The following ELMO1 variants were observed in gnomAD, a reference collection of about 807,000 sequenced individuals.
ELMO1 encodes the protein engulfment and cell motility 1.
Under a neutral mutation model 98.9 loss-of-function variants are expected in ELMO1, and 26 were observed. That is an observed-to-expected ratio of 0.26 (90% CI 0.19 to 0.36). The LOEUF (loss-of-function observed/expected upper bound fraction) is 0.36. Among genes scored for constraint, ELMO1 ranks in the 10% least tolerant of loss-of-function variants. The pLI, the probability that ELMO1 is intolerant of heterozygous loss-of-function variation, is 1.00. For synonymous variants in ELMO1, 346 were observed against 346.0 expected, an observed-to-expected ratio of 1.00 and a Z score of 0.00; for missense variants, 627 against 935.2, an observed-to-expected ratio of 0.67 and a Z score of 4.30.
chr7:37,246,676 G>A (rs1795021796), intron 6 of ELMO1, among the ~76,000 whole-genome samples: 3 of 152,128 alleles, frequency 2.0e-5, no homozygotes, highest in African/African-American at 4.8e-5. Context: ...ACTAAGCAGC[G>A]CCTACAACAT....
chr7:36,878,093 G>A lies in ELMO1; in HGVS notation c.1739C>T (p.Ser580Leu), dbSNP rs781351975. 6 of 1,613,990 alleles carry A rather than the reference G, an allele frequency of 3.7e-6. No homozygotes were observed. The highest frequency in any genetic ancestry group is 3.3e-5 in the Admixed American group (2 of 60,020). ...RQDKFWYCRLSPNHKVLHYGD... is the reference protein window; with the variant it reads ...RQDKFWYCRLLPNHKVLHYGD... ...GTAATGCAGGACTTTGTGATTTGGCGAAAGCCGACAATACCAAAACTTGTC... is the reference window on the plus strand; with the variant it reads ...GTAATGCAGGACTTTGTGATTTGGCAAAAGCCGACAATACCAAAACTTGTC... Residue 580 changes from serine to leucine, a missense_variant, in exon 19 of 22, where the codon TCG becomes TTG. By Grantham distance (145) the Ser-to-Leu change is moderately radical (BLOSUM62 -2). This residue lies in a region of ELMO1 where 492 missense variants were observed against 715.6 expected (regional missense o/e 0.69). Coordinates refer to ENST00000310758, the MANE Select transcript of ELMO1 (RefSeq NM_014800.11).
intron 13 of ELMO1, among the ~76,000 whole-genome samples, chr7:37,172,153 G>A (rs1322069151): frequency 1.3e-5 from 2 of 152,082 alleles, no homozygotes; most frequent in East Asian, 3.9e-4. Flanking sequence ...TACACTCTCT[G>A]GAGGAAAAGA....
At chr7:37,318,175 G>A (rs1162864395) in intron 2 of ELMO1, among the ~76,000 whole-genome samples, 1 of 152,140 alleles carries the variant, frequency 6.6e-6, no homozygotes, top group Non-Finnish European at 1.5e-5. Flanking sequence ...CTTGCTGTGA[G>A]CTGAGGAACA....
intron 13 of ELMO1, among the ~76,000 whole-genome samples, chr7:37,205,364 T>C (rs1792556153): frequency 6.6e-6 from 1 of 152,238 alleles, no homozygotes; most frequent in African/African-American, 2.4e-5. Context: ...CCTTCTTTTA[T>C]GTGTGTTTCT....
chr7:37,217,064 G>C (rs1385365953), intron 10 of ELMO1, among the ~76,000 whole-genome samples: 3 of 152,176 alleles, frequency 2.0e-5, no homozygotes, highest in African/African-American at 7.2e-5. Context: ...GCTTTTATTA[G>C]GCAACACATG....
At chr7:37,176,904 G>A (rs1446595845) in intron 13 of ELMO1, among the ~76,000 whole-genome samples, 1 of 152,192 alleles carries the variant, frequency 6.6e-6, no homozygotes, top group African/African-American at 2.4e-5. Context: ...GACAATACTG[G>A]CATAGACCAA....
intron 4 of ELMO1, among the ~76,000 whole-genome samples, chr7:37,306,856 AAAG>A (rs991004353): frequency 6.6e-6 from 1 of 152,246 alleles, no homozygotes; most frequent in African/African-American, 2.4e-5. Context: ...TGTTAAAAAA[AAAG>A]AAGAGTTCAT....
At chr7:37,186,241 G>A (rs1222084066) in intron 13 of ELMO1, among the ~76,000 whole-genome samples, 4 of 152,038 alleles carry the variant, frequency 2.6e-5, no homozygotes, top group Admixed American at 6.6e-5. Flanking sequence ...ATAATGCTAG[G>A]AAAACTAGAT....
At chr7:37,125,527 C>T (rs1228074527) in intron 14 of ELMO1, among the ~76,000 whole-genome samples, 2 of 152,204 alleles carry the variant, frequency 1.3e-5, no homozygotes, top group Non-Finnish European at 2.9e-5. Flanking sequence ...CCAACAGACA[C>T]ATGAAGAAAT....
Position 37,388,629 on chromosome 7 carries a change from A to C in ELMO1, c.-73-45866T>G, listed in dbSNP as rs184380434. On this transcript the variant is annotated intron_variant, in intron 1 of 21. Coordinates refer to ENST00000310758, the MANE Select transcript of ELMO1 (RefSeq NM_014800.11). The stretch of plus-strand genomic sequence containing the variant: ...TGCCAGGGCACATCATGTGCAAAAA[A>C]AAAAAAAACACACAAAAGACTGCCA... Among the ~76,000 whole-genome samples the C allele has an allele frequency of 7.4e-4, 113 of 151,802 alleles. 2 individuals are homozygous for C. The South Asian group carries it at 0.014, about 18-fold the overall frequency.
intron 1 of ELMO1, among the ~76,000 whole-genome samples, chr7:37,438,137 T>C (rs1805227915): frequency 6.6e-6 from 1 of 152,194 alleles, no homozygotes; most frequent in Non-Finnish European, 1.5e-5. Context: ...CAACCCCACC[T>C]TTCCTCTTGT....
intron 11 of ELMO1, among the ~76,000 whole-genome samples, chr7:37,214,391 C>A (rs1793163744): frequency 6.6e-6 from 1 of 152,088 alleles, no homozygotes; most frequent in Admixed American, 6.5e-5. Flanking sequence ...TGCTGCAAAC[C>A]AACTTCTAAG....
intron 13 of ELMO1, among the ~76,000 whole-genome samples, chr7:37,171,396 C>CA (rs1247266759): frequency 2.7e-5 from 4 of 150,420 alleles, no homozygotes; most frequent in African/African-American, 9.8e-5. Flanking sequence ...ATAGATACAG[C>CA]AGCAGTATTT....
chr7:37,430,647 G>A (rs899159743), intron 1 of ELMO1, among the ~76,000 whole-genome samples: 6 of 152,180 alleles, frequency 3.9e-5, no homozygotes, highest in South Asian at 2.1e-4. Flanking sequence ...CTTTCAACCC[G>A]CGATGGCCTC....
At chr7:37,208,615 A>ATAT (rs1190344308) in intron 13 of ELMO1, among the ~76,000 whole-genome samples, 2 of 152,286 alleles carry the variant, frequency 1.3e-5, no homozygotes, top group South Asian at 2.1e-4. Flanking sequence ...CCAGACCCTG[A>ATAT]TATCATCAGC....
At chr7:37,215,925 G>A (rs536573533) in intron 11 of ELMO1, among the ~76,000 whole-genome samples, 1 of 152,158 alleles carries the variant, frequency 6.6e-6, no homozygotes, top group South Asian at 2.1e-4. Context: ...TTAACTGTAA[G>A]CTTGCTGAAC....
chr7:36,884,192 G>A (rs924538154), intron 18 of ELMO1, among the ~76,000 whole-genome samples: 13 of 151,996 alleles, frequency 8.6e-5, no homozygotes, highest in East Asian at 5.8e-4. Flanking sequence ...GCATGGTGGC[G>A]GGTGCCTGTA....
rs147526929 is a variant in ELMO1 at position 37,212,271 on chromosome 7, T to G, written c.955-754A>C. 4.1e-3 allele frequency among the ~76,000 whole-genome samples: 631 copies of G among 152,296 alleles called. 4 individuals carry two copies. Among genetic ancestry groups the G allele is most frequent in the Non-Finnish European group, 6.6e-3 (446 of 68,014 alleles). On this transcript the variant is annotated intron_variant, in intron 12 of 21. Coordinates refer to ENST00000310758, the MANE Select transcript of ELMO1 (RefSeq NM_014800.11). ...TGTTTAATGGGTACAGAGTTTCAGT[T>G]CTGCAAGATAAAAAGAGTTCTGGAG...
At chr7:37,276,052 A>T (rs1416906297) in intron 4 of ELMO1, among the ~76,000 whole-genome samples, 2 of 152,238 alleles carry the variant, frequency 1.3e-5, no homozygotes, top group African/African-American at 4.8e-5. Flanking sequence ...GGGGCCACCC[A>T]GACTGGACAC....
Sources: allele counts gnomAD v4.1 joint callset (sites outside exome capture counted in the v4.1 genomes callset), GRCh38; gene constraint gnomAD v4.1.1; regional missense constraint gnomAD v4.1.1; transcripts MANE v1.5; gene names NCBI Gene and HGNC (gene_info 2026-07-23, HGNC 2026-07-21).